SERPINB8: variants seen among roughly 807,000 people sequenced by gnomAD.
SERPINB8 encodes the protein serpin B8.
In SERPINB8, 25 loss-of-function variants were observed where a neutral mutation model predicts 35.3. That is an observed-to-expected ratio of 0.71 (90% confidence interval 0.52 to 0.99). The LOEUF is 0.99. Among genes scored for constraint, SERPINB8 ranks in the 50% least tolerant of loss-of-function variants. The pLI, the probability that SERPINB8 is intolerant of heterozygous loss-of-function variation, is 0.00. For missense variants in SERPINB8, 484 were observed against 446.5 expected (o/e 1.08, Z -0.76); for synonymous variants, 186 against 160.8 (o/e 1.16, Z -1.19).
chr18:63,984,773 T>C (rs1402702467), intron 5 of SERPINB8, among the ~76,000 whole-genome samples: 2 of 152,212 alleles, frequency 1.3e-5, no homozygotes, highest in East Asian at 1.9e-4. Flanking sequence ...GAATTTTTAG[T>C]TGGAAGCTTC....
At chr18:63,975,934 G>A (rs1656808742) in intron 1 of SERPINB8, among the ~76,000 whole-genome samples, 1 of 152,214 alleles carries the variant, frequency 6.6e-6, no homozygotes, top group Admixed American at 6.5e-5. Context: ...AGGGCATACA[G>A]TTTCAGAGCT....
exon 2 of SERPINB8, chr18:64,004,920 A>AT (rs1223612415): frequency 2.5e-6 from 1 of 398,334 alleles, no homozygotes; most frequent in Non-Finnish European, 4.4e-6. Flanking sequence ...ATTGAGGGAT[A>AT]TTCTACCAAA....
At chr18:63,974,436 A>G (rs7229209) in intron 1 of SERPINB8, among the ~76,000 whole-genome samples, 42,965 of 152,074 alleles carry the variant, frequency 0.28, 7,503 homozygotes, top group African/African-American at 0.5. Flanking sequence ...GGAGGAGGAC[A>G]ATATCATATA....
At chr18:63,992,917 C>G (rs1568281803), downstream of SERPINB8, among the ~76,000 whole-genome samples, 1 of 152,166 alleles carries the variant, frequency 6.6e-6, no homozygotes, top group Admixed American at 6.5e-5. Flanking sequence ...ATCCTTTGAA[C>G]AATAGGCGCT....
exon 8 of SERPINB8, chr18:64,019,758 C>G (rs1281266066): frequency 1.3e-5 from 2 of 150,360 alleles, no homozygotes; most frequent in African/African-American, 4.9e-5. Flanking sequence ...TGTCACCTCA[C>G]CATTAAAACT....
intron 1 of SERPINB8, among the ~76,000 whole-genome samples, chr18:63,997,494 T>C (rs2050855719): frequency 6.6e-6 from 1 of 152,220 alleles, no homozygotes; most frequent in East Asian, 1.9e-4. Flanking sequence ...AAGGACCTTC[T>C]GGGCCACACA....
Position 63,981,743 on chromosome 18 carries a change from A to G in SERPINB8, c.329A>G (p.Lys110Arg), listed in dbSNP as rs768319886. The G allele has an allele frequency of 1.2e-6, 2 of 1,613,382 alleles. No homozygotes were observed. Among genetic ancestry groups the G allele is most frequent in the Non-Finnish European group, 1.7e-6 (2 of 1,179,380 alleles). ...FLPDFKEYCQ[K>R]FYQAELEELS... The stretch of plus-strand genomic sequence containing the variant: ...CAGGACTTTAAAGAATACTGTCAGA[A>G]GTTCTATCAGGCAGAGCTGGAGGAG... The change falls in exon 4 of 7, where the codon AAG (lysine) becomes AGG (arginine). Residue 110 changes from lysine to arginine, a missense_variant. By Grantham distance (26) the Lys-to-Arg change is conservative. Transcript: ENST00000397985.
chr18:63,974,849 G>T (rs2050555605), intron 1 of SERPINB8, among the ~76,000 whole-genome samples: 1 of 152,098 alleles, frequency 6.6e-6, no homozygotes, highest in Admixed American at 6.5e-5. Context: ...GGGTGCACTT[G>T]TGTGTGAGTG....
intron 1 of SERPINB8, among the ~76,000 whole-genome samples, chr18:63,975,757 A>C (rs1161369791): frequency 6.6e-6 from 1 of 152,198 alleles, no homozygotes; most frequent in Non-Finnish European, 1.5e-5. Flanking sequence ...CCTTCTGTTG[A>C]AAAATATCTT....
exon 2 of SERPINB8, chr18:64,005,147 A>C: frequency 3.4e-6 from 1 of 293,390 alleles, no homozygotes; most frequent in East Asian, 5.4e-5. Context: ...TGAAATGCAC[A>C]GTGAAATACC....
chr18:63,998,156 T>C (rs77623029), intron 1 of SERPINB8, among the ~76,000 whole-genome samples: 8,335 of 152,298 alleles, frequency 0.055, 331 homozygotes, highest in Non-Finnish European at 0.082. Flanking sequence ...CAGGATGTTC[T>C]TTGCAGGTTG....
chr18:63,994,189 A>T (rs1199979417), downstream of SERPINB8, among the ~76,000 whole-genome samples: 4 of 152,034 alleles, frequency 2.6e-5, no homozygotes, highest in Admixed American at 1.3e-4. Context: ...GTGCTGTTCC[A>T]TGGGGAAAAT....
At chr18:64,012,129 T>G (rs757322713) in intron 7 of SERPINB8, among the ~76,000 whole-genome samples, 1 of 152,182 alleles carries the variant, frequency 6.6e-6, no homozygotes, top group Non-Finnish European at 1.5e-5. Flanking sequence ...TATTTAATTT[T>G]ATATATGATC....
intron 1 of SERPINB8, among the ~76,000 whole-genome samples, chr18:63,994,865 T>C (rs966209651): frequency 1.8e-4 from 27 of 152,152 alleles, no homozygotes; most frequent in Admixed American, 4.6e-4. Context: ...TAAGGCCAGC[T>C]CAGTCCGTCC....
At position 63,987,296 on chromosome 18, in the gene SERPINB8, A is replaced by G. The variant is rs773825813; in HGVS notation, c.*18A>G. The stretch of plus-strand genomic sequence containing the variant: ...CTCCGTAAAGAGGAGCAATTGCTGT[A>G]CATACCCTCCTTTCCTTCTACCTAT... On this transcript the variant is annotated 3_prime_UTR_variant, in exon 7 of 7. Transcript: ENST00000397985. 6.3e-7 allele frequency: 1 copy of G among 1,589,738 alleles called. No individual in the cohort carries two copies. The highest frequency in any genetic ancestry group is 2.2e-5 in the East Asian group (1 of 44,600).
downstream of SERPINB8, chr18:63,989,415 A>C (rs1260601541): frequency 2.0e-5 from 3 of 152,220 alleles, no homozygotes; most frequent in Non-Finnish European, 4.4e-5. Context: ...TTTTGTATAT[A>C]GATACATAGA....
At position 63,983,645 on chromosome 18, in the gene SERPINB8, C is replaced by T; in HGVS notation, c.491C>T (p.Ala164Val). Reference sequence around the variant, plus strand: ...CTGACAAAGCTGGTCCTTGTGAATGCCATTTATTTCAAGGGAAAGTGGAAT... The same window carrying T: ...CTGACAAAGCTGGTCCTTGTGAATGTCATTTATTTCAAGGGAAAGTGGAAT... ...DPLTKLVLVNAIYFKGKWNEQ... is the reference protein window; with the variant it reads ...DPLTKLVLVNVIYFKGKWNEQ... Residue 164 changes from alanine to valine, a missense_variant, in exon 5 of 7, where the codon GCC (alanine) becomes GTC (valine). Ala to Val is a moderately conservative substitution (Grantham distance 64). Coordinates refer to ENST00000397985, the MANE Select transcript of SERPINB8 (RefSeq NM_002640.4). 2 of 1,613,420 alleles carry T rather than the reference C, an allele frequency of 1.2e-6. No individual in the cohort carries two copies. The highest frequency in any genetic ancestry group is 8.5e-7 in the Non-Finnish European group (1 of 1,179,396).
chr18:63,987,948 A>G lies in SERPINB8; in HGVS notation c.*670A>G, dbSNP rs1247287220. The G allele has an allele frequency of 1.3e-5, 2 of 152,220 alleles. No homozygotes were observed. Among genetic ancestry groups the G allele is most frequent in the African/African-American group, 4.8e-5 (2 of 41,422 alleles). The allele number at this position is 152,220 out of a possible 1,614,324, so 9.4% of individuals were successfully genotyped here. On this transcript the variant is annotated 3_prime_UTR_variant, in exon 7 of 7. Transcript: ENST00000397985. ...TTCCTTTTCCCTCTGAAACACACAA[A>G]ATACCAAAGGAACTTACGCAACACA...
At chr18:63,972,622 T>C (rs568820225) in intron 1 of SERPINB8, among the ~76,000 whole-genome samples, 120 of 152,314 alleles carry the variant, frequency 7.9e-4, no homozygotes, top group Non-Finnish European at 1.2e-3. Context: ...TTTCTCCTAA[T>C]GCTATTCCTC....
Sources: allele counts gnomAD v4.1 joint callset (sites outside exome capture counted in the v4.1 genomes callset), GRCh38; gene constraint gnomAD v4.1.1; transcripts MANE v1.5; gene names NCBI Gene and HGNC (gene_info 2026-07-23, HGNC 2026-07-21).